SLC5A12: variants seen among roughly 807,000 people sequenced by gnomAD.
SLC5A12 encodes the protein solute carrier family 5 member 12.
SLC5A12 carries 46 observed loss-of-function variants against 72.7 expected under a neutral mutation model. That is an observed-to-expected ratio of 0.63 (90% CI 0.50 to 0.81). The LOEUF is 0.81. Among genes scored for constraint, SLC5A12 ranks in the 30% least tolerant of loss-of-function variants. The probability of loss-of-function intolerance (pLI) is 0.00; values close to 1 mark genes in which losing one functional copy is unlikely to be tolerated. For synonymous variants in SLC5A12, 275 were observed against 264.4 expected, an observed-to-expected ratio of 1.04 and a Z score of -0.39; for missense variants, 683 against 740.7, an observed-to-expected ratio of 0.92 and a Z score of 0.90.
Position 26,698,435 on chromosome 11 carries a change from TC to T in SLC5A12, c.921del (p.Trp307Ter), listed in dbSNP as rs760810507. On this transcript the variant is annotated frameshift_variant, in exon 7 of 15. Coordinates refer to ENST00000396005, the MANE Select transcript of SLC5A12 (RefSeq NM_178498.4). LOFTEE classifies it high-confidence loss of function. ...MYSHFKDCDP[W>X]TSGIISAPDQ... ...TCTGGTGCTGAGATGATGCCAGAAG[TC>T]CAAGGGTCACAGTCTTTAAAGTGAG... 4 of 1,613,840 alleles carry T rather than the reference TC, an allele frequency of 2.5e-6. No homozygotes were observed. The African/African-American group carries it at 5.3e-5, about 22-fold the overall frequency.
At position 26,686,531 on chromosome 11, in the gene SLC5A12, G is replaced by T. The variant is rs140205490; in HGVS notation, c.1167C>A (p.Gly389=). 2.0e-4 allele frequency: 330 copies of T among 1,613,680 alleles called. No homozygotes were observed. The African/African-American group carries it at 3.8e-3, about 18-fold the overall frequency. Residue 389 remains glycine, a synonymous_variant, in exon 10 of 15, where the codon GGC becomes GGA. Transcript: ENST00000396005. ...CCACAGCCATAGAGGTACACATCAC[G>T]CCAAATAAGAGACCTGAAAGAAAGA... The part of the protein sequence containing the change: ...WISKGLCLLF[G]VMCTSMAVAA...
intron 1 of SLC5A12, among the ~76,000 whole-genome samples, chr11:26,720,152 A>G (rs1855444662): frequency 6.6e-6 from 1 of 152,084 alleles, no homozygotes. Flanking sequence ...AAGCTCCATG[A>G]CAGCAGGAAC....
At chr11:26,687,177 T>C (rs184053210) in intron 9 of SLC5A12, among the ~76,000 whole-genome samples, 1 of 152,318 alleles carries the variant, frequency 6.6e-6, no homozygotes, top group African/African-American at 2.4e-5. Flanking sequence ...TGAATCAGCA[T>C]ATGTATTTTG....
chr11:26,686,449 C>G lies in SLC5A12; in HGVS notation c.1221+28G>C, dbSNP rs1410066627. The stretch of plus-strand genomic sequence containing the variant: ...GAGTGGGGGGAAGTTCCAGTGAAAC[C>G]AAATGTGTCTTTTCCTTCTTTCGTT... On this transcript the variant is annotated intron_variant, in intron 10 of 14. Coordinates refer to ENST00000396005, the MANE Select transcript of SLC5A12 (RefSeq NM_178498.4). The G allele has an allele frequency of 1.9e-6, 3 of 1,611,020 alleles. No homozygotes were observed. In the East Asian group the frequency reaches 6.7e-5, roughly 36 times the overall value.
At chr11:26,677,808 G>A (rs763479899) in intron 13 of SLC5A12, among the ~76,000 whole-genome samples, 2 of 152,108 alleles carry the variant, frequency 1.3e-5, no homozygotes, top group African/African-American at 2.4e-5. Context: ...CAGGTTTTGT[G>A]TTGAGTCAGA....
chr11:26,704,693 T>C (rs942828118), intron 4 of SLC5A12, among the ~76,000 whole-genome samples: 1 of 152,058 alleles, frequency 6.6e-6, no homozygotes, highest in African/African-American at 2.4e-5. Flanking sequence ...AAGGTAGAGA[T>C]GAAAAGAAGT....
intron 1 of SLC5A12, among the ~76,000 whole-genome samples, 195 bp from the exon 2 acceptor site, chr11:26,712,901 G>A (rs1196118133): frequency 2.0e-5 from 3 of 152,044 alleles, no homozygotes; most frequent in Non-Finnish European, 2.9e-5. Context: ...ATCAATTTCT[G>A]TTCGTGTTTC....
At chr11:26,680,190 CAAAT>C (rs1187278092) in intron 12 of SLC5A12, among the ~76,000 whole-genome samples, 4 of 150,640 alleles carry the variant, frequency 2.7e-5, no homozygotes, top group African/African-American at 7.3e-5. Flanking sequence ...TGAGGATACA[CAAAT>C]AACACAAATC....
chr11:26,715,961 A>C (rs1855340389), intron 1 of SLC5A12, among the ~76,000 whole-genome samples: 1 of 152,174 alleles, frequency 6.6e-6, no homozygotes, highest in South Asian at 2.1e-4. Context: ...AAAAACTAAA[A>C]TTGTTATTTT....
At chr11:26,678,067 G>A (rs1854305574) in intron 13 of SLC5A12, among the ~76,000 whole-genome samples, 1 of 152,162 alleles carries the variant, frequency 6.6e-6, no homozygotes, top group Non-Finnish European at 1.5e-5. Context: ...CAGTGAAGCT[G>A]CTCACTGCAG....
intron 9 of SLC5A12, among the ~76,000 whole-genome samples, chr11:26,687,737 T>G (rs1177264219): frequency 6.6e-6 from 1 of 152,214 alleles, no homozygotes; most frequent in Non-Finnish European, 1.5e-5. Context: ...TGAGGCTATC[T>G]TTTCCAACTT....
intron 1 of SLC5A12, among the ~76,000 whole-genome samples, chr11:26,721,148 A>G (rs1855470219): frequency 6.6e-6 from 1 of 152,212 alleles, no homozygotes. Context: ...AGAGGTTCTC[A>G]TTTGATCATT....
chr11:26,676,036 G>A (rs1184121320), intron 13 of SLC5A12, among the ~76,000 whole-genome samples: 2 of 151,820 alleles, frequency 1.3e-5, no homozygotes, highest in East Asian at 1.9e-4. Flanking sequence ...CTGAAATAAG[G>A]TAGATTACAC....
intron 6 of SLC5A12, among the ~76,000 whole-genome samples, chr11:26,699,824 C>T (rs1854915692): frequency 6.6e-6 from 1 of 152,030 alleles, no homozygotes; most frequent in African/African-American, 2.4e-5. Context: ...ATCTGAAATT[C>T]TATATTTATT....
At position 26,671,050 on chromosome 11, in the gene SLC5A12, T is replaced by C. The variant is rs559748138; in HGVS notation, c.*52A>G. ...GTAGGCAAGAAGTATGTGGAGTTTG[T>C]GTGTGTGTGTGTGTATTGCACGTGT... On this transcript the variant is annotated 3_prime_UTR_variant, in exon 15 of 15. Coordinates refer to ENST00000396005, the MANE Select transcript of SLC5A12 (RefSeq NM_178498.4). 2,771 of 1,400,508 alleles carry C rather than the reference T, an allele frequency of 2.0e-3. 9 individuals are homozygous for C. The highest frequency in any genetic ancestry group is 2.4e-3 in the Non-Finnish European group (2,549 of 1,040,812). 86.8% of individuals were successfully genotyped at this position (1,400,508 alleles called of 1,614,324 possible). A position where few individuals can be genotyped will look rare whatever the true frequency, so the allele number is the denominator to read the frequency against.
chr11:26,671,798 T>C (rs2133127302), intron 14 of SLC5A12, among the ~76,000 whole-genome samples: 1 of 152,254 alleles, frequency 6.6e-6, no homozygotes, highest in East Asian at 1.9e-4. Context: ...TCCAGGAAAT[T>C]CTATCTTCCT....
chr11:26,692,795 C>T (rs1453876800), intron 8 of SLC5A12, among the ~76,000 whole-genome samples, 194 bp from the exon 9 acceptor site: 1 of 152,136 alleles, frequency 6.6e-6, no homozygotes, highest in Non-Finnish European at 1.5e-5. Context: ...CATGCTATTG[C>T]TCTTAAAATT....
chr11:26,695,971 G>A (rs528829446), intron 8 of SLC5A12, among the ~76,000 whole-genome samples: 1 of 152,068 alleles, frequency 6.6e-6, no homozygotes, highest in South Asian at 2.1e-4. Context: ...TCCTGCTTGT[G>A]CTCTTCACAT....
Position 26,697,168 on chromosome 11 carries a change from G to A in SLC5A12, c.1036C>T (p.Leu346=). The A allele has an allele frequency of 6.2e-7, 1 of 1,612,540 alleles. No individual in the cohort carries two copies. Among genetic ancestry groups the A allele is most frequent in the Non-Finnish European group, 8.5e-7 (1 of 1,179,184 alleles). ...GATTGTTGTTGCTATACTAACCTCAGAGTTCCACTGAAGGCACAAGCCACA... is the reference window on the plus strand; with the variant it reads ...GATTGTTGTTGCTATACTAACCTCAAAGTTCCACTGAAGGCACAAGCCACA... ...LFVACAFSGT[L]STVASSINAL... is the part of the protein sequence containing the mutation. Residue 346 remains leucine, a synonymous_variant, in exon 8 of 15, where the codon CTG becomes TTG. Coordinates refer to ENST00000396005, the MANE Select transcript of SLC5A12 (RefSeq NM_178498.4).
Sources: allele counts gnomAD v4.1 joint callset (sites outside exome capture counted in the v4.1 genomes callset), GRCh38; gene constraint gnomAD v4.1.1; transcripts MANE v1.5; gene names NCBI Gene and HGNC (gene_info 2026-07-23, HGNC 2026-07-21).